The following PTPRN2 variants were observed in gnomAD, a reference collection of about 807,000 sequenced individuals.
PTPRN2 encodes protein tyrosine phosphatase receptor type N2.
A neutral mutation model predicts 118.8 loss-of-function variants in PTPRN2; 74 were observed. The ratio of observed to expected loss-of-function variants is 0.62; its 90% confidence interval spans 0.52 to 0.76. PTPRN2 has a LOEUF of 0.76. PTPRN2 is among the 30% of genes least tolerant of loss of function. PTPRN2 has a pLI of 0.00. For synonymous variants in PTPRN2, 641 were observed against 608.0 expected, an observed-to-expected ratio of 1.05 and a Z score of -0.80; for missense variants, 1,481 against 1,394.4, an observed-to-expected ratio of 1.06 and a Z score of -0.99.
chr7:158,417,193 CTGTGT>C (rs1190158993), intron 2 of PTPRN2, among the ~76,000 whole-genome samples: 9 of 152,000 alleles, frequency 5.9e-5, no homozygotes, highest in Admixed American at 1.3e-4. Context: ...AGTTTCCCTG[CTGTGT>C]TAAGTCACAG....
At chr7:158,091,448 A>G (rs1585407946) in intron 10 of PTPRN2, among the ~76,000 whole-genome samples, 1 of 152,176 alleles carries the variant, frequency 6.6e-6, no homozygotes, top group Non-Finnish European at 1.5e-5. Context: ...AAAAAACAAA[A>G]CTTCTGTAGA....
intron 1 of PTPRN2, among the ~76,000 whole-genome samples, chr7:158,585,809 C>T (rs1044718637): frequency 6.6e-6 from 1 of 152,258 alleles, no homozygotes; most frequent in Non-Finnish European, 1.5e-5. Flanking sequence ...GGACACTCCA[C>T]GCCCATGTGT....
intron 1 of PTPRN2, among the ~76,000 whole-genome samples, chr7:158,578,493 C>T (rs990848756): frequency 4.0e-5 from 6 of 148,888 alleles, no homozygotes; most frequent in African/African-American, 1.5e-4. Flanking sequence ...TATGACTATG[C>T]CACTGCACTC....
Position 157,817,746 on chromosome 7 carries a change from G to A in PTPRN2, c.1788+80927C>T, listed in dbSNP as rs560336065. 3.1e-4 allele frequency among the ~76,000 whole-genome samples: 47 copies of A among 152,326 alleles called. No homozygotes were observed. The South Asian group carries it at 8.9e-3, about 29-fold the overall frequency. ...GTCCGTGTGGCCTGTGTGCATGCAC[G>A]TGTGTGTCTATGTGTAATGTGTGAG... is the stretch of plus-strand genomic sequence containing the variant. On this transcript the variant is annotated intron_variant, in intron 12 of 22. Transcript: ENST00000389418.
At chr7:158,581,967 G>T (rs1316898541) in intron 1 of PTPRN2, among the ~76,000 whole-genome samples, 4 of 152,204 alleles carry the variant, frequency 2.6e-5, no homozygotes, top group Non-Finnish European at 4.4e-5. Context: ...TTCCAAGGGA[G>T]CCTCACCCAT....
chr7:158,261,340 GC>G (rs1797386532), intron 3 of PTPRN2, among the ~76,000 whole-genome samples: 1 of 74,754 alleles, frequency 1.3e-5, no homozygotes, highest in Non-Finnish European at 3.2e-5. Flanking sequence ...GGAGGTAACA[GC>G]CCCTGGGAAA....
intron 17 of PTPRN2, among the ~76,000 whole-genome samples, chr7:157,581,686 G>C (rs1799696948): frequency 6.6e-6 from 1 of 152,248 alleles, no homozygotes; most frequent in Non-Finnish European, 1.5e-5. Flanking sequence ...TTTACTGACT[G>C]TAGATTTAAA....
intron 12 of PTPRN2, among the ~76,000 whole-genome samples, chr7:157,758,189 C>T (rs1005646367): frequency 1.3e-5 from 2 of 152,234 alleles, no homozygotes; most frequent in Non-Finnish European, 2.9e-5. Context: ...AGAAAAGGGC[C>T]GGTGTCGTAA....
chr7:158,515,838 C>T (rs1435470011), intron 1 of PTPRN2, among the ~76,000 whole-genome samples: 1 of 152,172 alleles, frequency 6.6e-6, no homozygotes, highest in African/African-American at 2.4e-5. Context: ...TCTGTCTGGT[C>T]GTCTCTCCAC....
intron 2 of PTPRN2, among the ~76,000 whole-genome samples, chr7:158,321,859 G>A (rs1301359230): frequency 6.6e-6 from 1 of 152,182 alleles, no homozygotes; most frequent in Non-Finnish European, 1.5e-5. Flanking sequence ...ACGCACATAA[G>A]CACAGCCGCT....
At chr7:158,228,281 G>A (rs545882590) in intron 3 of PTPRN2, among the ~76,000 whole-genome samples, 1 of 152,218 alleles carries the variant, frequency 6.6e-6, no homozygotes, top group African/African-American at 2.4e-5. Context: ...ACATCCTCAT[G>A]CATCTGCCTT....
chr7:157,644,812 A>AC (rs886305800), intron 14 of PTPRN2, among the ~76,000 whole-genome samples: 2 of 133,256 alleles, frequency 1.5e-5, no homozygotes, highest in Admixed American at 1.6e-4. Flanking sequence ...CAAAAAAAAA[A>AC]AAACAAAAAA....
At position 157,591,317 on chromosome 7, in the gene PTPRN2, G is replaced by A. The variant is rs1227763293; in HGVS notation, c.2496+3921C>T. ...AGAAACACCTGTGGACCTGCCCCAA[G>A]GAGGAGCTTCAGATCAGCATCAACA... On this transcript the variant is annotated intron_variant, in intron 17 of 22. Coordinates refer to ENST00000389418, the MANE Select transcript of PTPRN2 (RefSeq NM_002847.5). This position sits in a 1 kb window ranked among gnomAD's most constrained non-coding sequence, Gnocchi z 4.4. Among the ~76,000 whole-genome samples the A allele has an allele frequency of 6.6e-6, 1 of 152,222 alleles. No individual in the cohort carries two copies. The highest frequency in any genetic ancestry group is 1.5e-5 in the Non-Finnish European group (1 of 68,038).
At chr7:157,940,341 C>T (rs1799972197) in intron 11 of PTPRN2, among the ~76,000 whole-genome samples, 1 of 152,132 alleles carries the variant, frequency 6.6e-6, no homozygotes, top group South Asian at 2.1e-4. Flanking sequence ...TTTGTGCCAT[C>T]AAGAGGCAAA....
rs1290275156 is a variant in PTPRN2 at position 157,674,920 on chromosome 7, C to T, written c.2001+7805G>A. On this transcript the variant is annotated intron_variant, in intron 13 of 22. Coordinates refer to ENST00000389418, the MANE Select transcript of PTPRN2 (RefSeq NM_002847.5). The surrounding 1 kb of genome is among the most constrained non-coding windows in gnomAD (Gnocchi z 4.5). Reference sequence around the variant, plus strand: ...TCTTCTCCTTGCCAACAACGATGCCCTCCTCCCGAGGGACGGTGGCCCCAA... The same window carrying T: ...TCTTCTCCTTGCCAACAACGATGCCTTCCTCCCGAGGGACGGTGGCCCCAA... 6.6e-6 allele frequency among the ~76,000 whole-genome samples: 1 copy of T among 152,188 alleles called. No homozygotes were observed.
chr7:158,263,017 CAG>C (rs950989762), intron 3 of PTPRN2, among the ~76,000 whole-genome samples: 5 of 147,124 alleles, frequency 3.4e-5, no homozygotes, highest in African/African-American at 1.0e-4. Context: ...CATTCACACA[CAG>C]TGCACACATA....
intron 9 of PTPRN2, among the ~76,000 whole-genome samples, chr7:158,132,130 TACACAC>T (rs57902983): frequency 2.0e-5 from 3 of 149,982 alleles, no homozygotes; most frequent in Non-Finnish European, 3.0e-5. Flanking sequence ...CCAACACACA[TACACAC>T]ACACGTACAT....
rs912233876 is a variant in PTPRN2, at chr7:157,671,256, C to G, written c.2001+11469G>C. Among the ~76,000 whole-genome samples, 11 of 152,206 alleles carry G rather than the reference C, an allele frequency of 7.2e-5. No homozygotes were observed. Among genetic ancestry groups the G allele is most frequent in the African/African-American group, 2.7e-4 (11 of 41,456 alleles). ...GCCTTTGGGAAGCCAAGGCTGTCCCCACACGGGCTGGTCTGGTGTGGGCAA... is the reference window on the plus strand; with the variant it reads ...GCCTTTGGGAAGCCAAGGCTGTCCCGACACGGGCTGGTCTGGTGTGGGCAA... On this transcript the variant is annotated intron_variant, in intron 13 of 22. Transcript: ENST00000389418. This position sits in a 1 kb window ranked among gnomAD's most constrained non-coding sequence, Gnocchi z 4.1.
Position 157,719,156 on chromosome 7 carries a change from A to G in PTPRN2, c.1789-36219T>C, listed in dbSNP as rs994973248. Among the ~76,000 whole-genome samples, 20 of 152,012 alleles carry G rather than the reference A, an allele frequency of 1.3e-4. 1 individual carries two copies. Among genetic ancestry groups the G allele is most frequent in the Admixed American group, 1.0e-3 (16 of 15,274 alleles). ...CTGCCTCTCCTGAGCAGGAAGCCCC[A>G]TGAGAGGGTCCCTTTACAATTCGTC... On this transcript the variant is annotated intron_variant, in intron 12 of 22. Coordinates refer to ENST00000389418, the MANE Select transcript of PTPRN2 (RefSeq NM_002847.5).
Sources: gnomAD v4.1 joint callset for allele counts (sites outside exome capture counted in the v4.1 genomes callset) on GRCh38, gnomAD v4.1.1 for gene constraint, Gnocchi (gnomAD v3.1) non-coding constraint, MANE v1.5 for transcripts, NCBI Gene and HGNC (gene_info 2026-07-23, HGNC 2026-07-21) for gene names.